Variants in LTBP2 observed in about 807,000 individuals in gnomAD.
The protein encoded by LTBP2 is latent transforming growth factor beta binding protein 2, also known as latent-transforming growth factor beta-binding protein 2.
In LTBP2, 103 loss-of-function variants were observed where a neutral mutation model predicts 210.6. The ratio of observed to expected loss-of-function variants is 0.49; its 90% CI spans 0.42 to 0.58. The LOEUF (loss-of-function observed/expected upper bound fraction) is 0.58, where lower values mean the gene tolerates loss of function less well. Among genes scored for constraint, LTBP2 ranks in the 20% least tolerant of loss-of-function variants. The probability of loss-of-function intolerance (pLI) is 0.00; values close to 1 mark genes in which losing one functional copy is unlikely to be tolerated. For synonymous variants in LTBP2, 1,007 were observed against 1,015.0 expected (o/e 0.99, Z 0.15); for missense variants, 2,313 against 2,494.5 (o/e 0.93, Z 1.55).
At chr14:74,524,732 G>A (rs957907976) in intron 15 of LTBP2, among the ~76,000 whole-genome samples, 7 of 152,208 alleles carry the variant, frequency 4.6e-5, no homozygotes, top group African/African-American at 1.7e-4. Flanking sequence ...GCAGGCAGCT[G>A]CTCGCTGCCA....
At chr14:74,575,223 C>G (rs2088042807) in intron 3 of LTBP2, among the ~76,000 whole-genome samples, 1 of 152,216 alleles carries the variant, frequency 6.6e-6, no homozygotes, top group African/African-American at 2.4e-5. Context: ...GTGGCCTGCT[C>G]AGGGCCTGAC....
At chr14:74,501,354 A>G (rs953301236) in intron 35 of LTBP2, 87 bp downstream of exon 35, 56 of 1,582,672 alleles carry the variant, frequency 3.5e-5, no homozygotes, top group Non-Finnish European at 4.5e-5. Context: ...ACTAGGAGGC[A>G]GCAGTGGCTC....
Position 74,532,422 on chromosome 14 carries a change from T to TCA in LTBP2, c.1987+2_1987+3dup. ...ACCCCCACCCCATCCCTGCCAGCACTCACACACACAGCGGCTCCGCGATGG... is the reference window on the plus strand; with the variant it reads ...ACCCCCACCCCATCCCTGCCAGCACTCACACACACACAGCGGCTCCGCGATGG... On this transcript the variant is annotated splice_donor_region_variant and intron_variant, in intron 10 of 35. Transcript: ENST00000261978. The TCA allele has an allele frequency of 6.2e-7, 1 of 1,613,198 alleles. No individual in the cohort carries two copies. Among genetic ancestry groups the TCA allele is most frequent in the Non-Finnish European group, 8.5e-7 (1 of 1,179,524 alleles).
Position 74,552,929 on chromosome 14 carries a change from G to A in LTBP2, c.1155C>T (p.Gly385=), listed in dbSNP as rs768101761. The A allele has an allele frequency of 3.7e-5, 59 of 1,613,604 alleles. No homozygotes were observed. The highest frequency in any genetic ancestry group is 1.2e-4 in the Admixed American group (7 of 59,944). ...RGDTTTLYSQ[G]GHGHDPKSGF... is the part of the protein sequence containing the mutation. Reference sequence around the variant, plus strand: ...CAGACTTGGGATCGTGCCCATGGCCGCCCTGGCTGTACAGGGTGGTGGTGT... The same window carrying A: ...CAGACTTGGGATCGTGCCCATGGCCACCCTGGCTGTACAGGGTGGTGGTGT... Residue 385 remains glycine, a synonymous_variant, in exon 5 of 36, where the codon GGC becomes GGT. Coordinates refer to ENST00000261978, the MANE Select transcript of LTBP2 (RefSeq NM_000428.3).
chr14:74,505,341 C>T (rs956419078), intron 28 of LTBP2, among the ~76,000 whole-genome samples, 167 bp from the exon 29 acceptor site: 1 of 152,222 alleles, frequency 6.6e-6, no homozygotes, highest in East Asian at 1.9e-4. Flanking sequence ...AAGAAGTGGC[C>T]TAATCATCAT....
intron 35 of LTBP2, among the ~76,000 whole-genome samples, 199 bp from the exon 36 acceptor site, chr14:74,501,228 G>A (rs766778595): frequency 2.5e-4 from 38 of 152,216 alleles, no homozygotes; most frequent in Admixed American, 4.6e-4. Context: ...GCCCAAGACC[G>A]TGCTCTCTTG....
intron 9 of LTBP2, among the ~76,000 whole-genome samples, chr14:74,534,016 G>A (rs1366028237): frequency 1.3e-5 from 2 of 152,198 alleles, no homozygotes; most frequent in Non-Finnish European, 2.9e-5. Context: ...GCACAGGAAC[G>A]AGGGACTGAA....
At chr14:74,600,041 G>A (rs979575117) in intron 2 of LTBP2, among the ~76,000 whole-genome samples, 2 of 152,242 alleles carry the variant, frequency 1.3e-5, no homozygotes, top group Non-Finnish European at 2.9e-5. Context: ...GCTGTTGGGA[G>A]GGGAGAGGGA....
chr14:74,528,533 A>T lies in LTBP2; in HGVS notation c.2318T>A (p.Leu773His). The change falls in exon 12 of 36, where the codon CTC becomes CAC. Residue 773 changes from leucine (L) to histidine (H), a missense_variant. Transcript: ENST00000261978. ...AAGCCAGGTGTCCGTGACGACCCGG[A>T]GGGGCTGCCTCTCTGCTGGCCCGGG... ...ALPGPAERQPLRVVTDTWLEA... is the reference protein window; with the variant it reads ...ALPGPAERQPHRVVTDTWLEA... 6.2e-7 allele frequency: 1 copy of T among 1,612,532 alleles called. No homozygotes were observed. Among genetic ancestry groups the T allele is most frequent in the East Asian group, 2.2e-5 (1 of 44,882 alleles).
chr14:74,572,307 CTG>C lies in LTBP2; in HGVS notation c.830+13545_830+13546del, dbSNP rs1203424524. ...GGGGTGTGTGTGTGTGTGTGTGTGT[CTG>C]TGTGTGTGTGTGTGAGAGAGAGAGA... is the stretch of plus-strand genomic sequence containing the variant. On this transcript the variant is annotated intron_variant, in intron 3 of 35. Transcript: ENST00000261978. Among the ~76,000 whole-genome samples the C allele has an allele frequency of 2.6e-3, 359 of 140,328 alleles. 9 individuals carry two copies. Among genetic ancestry groups the C allele is most frequent in the Admixed American group, 0.025 (355 of 14,328 alleles). 92.1% of individuals were successfully genotyped at this position (140,328 alleles called of 152,430 possible). A position where few individuals can be genotyped will look rare whatever the true frequency, so the allele number is the denominator to read the frequency against.
rs781554044 is a variant in LTBP2 at position 74,522,046 on chromosome 14, A to G, written c.2660-7T>C. 9.3e-6 allele frequency: 15 copies of G among 1,611,058 alleles called. No individual in the cohort carries two copies. The South Asian group carries it at 1.5e-4, about 17-fold the overall frequency. On this transcript the variant is annotated splice_region_variant and splice_polypyrimidine_tract_variant and intron_variant, in intron 16 of 35. Coordinates refer to ENST00000261978, the MANE Select transcript of LTBP2 (RefSeq NM_000428.3). ...CTCAGACACTCGTTGTCATCTGACC[A>G]GAAGAAGGCAGGGAGGGAGGTCAGG...
intron 3 of LTBP2, among the ~76,000 whole-genome samples, chr14:74,574,186 C>G (rs2088024405): frequency 1.3e-5 from 2 of 152,204 alleles, no homozygotes; most frequent in Admixed American, 6.5e-5. Flanking sequence ...AAAACCTCAC[C>G]CTAATGCTGC....
intron 18 of LTBP2, among the ~76,000 whole-genome samples, chr14:74,515,889 G>C (rs2087128061): frequency 6.6e-6 from 1 of 152,208 alleles, no homozygotes; most frequent in Admixed American, 6.5e-5. Context: ...ACACACTGGG[G>C]CTGAAGGCAG....
rs1158135722 is a variant in LTBP2, at chr14:74,591,960, G to GT, written c.566-5843dup. 2.0e-5 allele frequency among the ~76,000 whole-genome samples: 3 copies of GT among 152,070 alleles called. No homozygotes were observed. The East Asian group carries it at 5.8e-4, about 29-fold the overall frequency. ...GTGATGACAAGTGGTAATTAGTTTT[G>GT]TTTTTTGTTTTTTCCTGATGGCTTC... On this transcript the variant is annotated intron_variant, in intron 2 of 35. Coordinates refer to ENST00000261978, the MANE Select transcript of LTBP2 (RefSeq NM_000428.3).
chr14:74,569,520 C>T (rs2087947153), intron 3 of LTBP2, among the ~76,000 whole-genome samples: 1 of 152,090 alleles, frequency 6.6e-6, no homozygotes, highest in African/African-American at 2.4e-5. Context: ...TTTCCCCTGG[C>T]TATTAGAACA....
At chr14:74,547,002 A>G (rs1044831569) in intron 8 of LTBP2, among the ~76,000 whole-genome samples, 26 of 152,222 alleles carry the variant, frequency 1.7e-4, no homozygotes, top group Non-Finnish European at 3.8e-4. Flanking sequence ...GCTGAGGGCA[A>G]CAGGCCTAGA....
At chr14:74,526,528 G>A (rs2087275728) in intron 13 of LTBP2, among the ~76,000 whole-genome samples, 2 of 152,224 alleles carry the variant, frequency 1.3e-5, no homozygotes, top group South Asian at 2.1e-4. Flanking sequence ...TATACCTGGT[G>A]TCCCTCAACA....
intron 1 of LTBP2, among the ~76,000 whole-genome samples, chr14:74,608,075 C>T (rs889744112): frequency 5.3e-5 from 8 of 151,502 alleles, no homozygotes; most frequent in African/African-American, 1.7e-4. Context: ...CGCCCGCCAC[C>T]GCGCCCGGCT....
Position 74,574,592 on chromosome 14 carries a change from A to T in LTBP2, c.830+11262T>A, listed in dbSNP as rs75969245. On this transcript the variant is annotated intron_variant, in intron 3 of 35. Coordinates refer to ENST00000261978, the MANE Select transcript of LTBP2 (RefSeq NM_000428.3). ...ATAAATCCTACTGATGATGAAGATG[A>T]TGATGATGAACTGGAAAAGGTAGCT... 3.0e-3 allele frequency among the ~76,000 whole-genome samples: 456 copies of T among 152,332 alleles called. 1 individual carries two copies. Among genetic ancestry groups the T allele is most frequent in the Non-Finnish European group, 5.0e-3 (339 of 68,038 alleles).
Sources: gnomAD v4.1 joint callset for allele counts (sites outside exome capture counted in the v4.1 genomes callset) on GRCh38, gnomAD v4.1.1 for gene constraint, MANE v1.5 for transcripts, NCBI Gene and HGNC (gene_info 2026-07-23, HGNC 2026-07-21) for gene names.